VDR: variants seen among roughly 807,000 people sequenced by gnomAD.
VDR encodes vitamin D receptor, also known as vitamin D3 receptor.
A neutral mutation model predicts 39.7 loss-of-function variants in VDR; 19 were observed. The observed-to-expected ratio is 0.48, with a 90% CI of 0.33 to 0.70. VDR has a LOEUF of 0.70. VDR is among the 30% of genes least tolerant of loss of function. The pLI is 0.02. For synonymous variants in VDR, 242 were observed against 215.8 expected (o/e 1.12, Z -1.07); for missense variants, 442 against 570.5 (o/e 0.77, Z 2.29).
intron 1 of VDR, among the ~76,000 whole-genome samples, chr12:47,888,016 C>T (rs772890283): frequency 2.0e-5 from 3 of 152,304 alleles, no homozygotes; most frequent in Middle Eastern, 3.4e-3. Context: ...AAAGACATAC[C>T]TGAGACTGGG....
At chr12:47,884,235 C>A (rs1254649397) in intron 1 of VDR, among the ~76,000 whole-genome samples, 2 of 152,200 alleles carry the variant, frequency 1.3e-5, no homozygotes, top group Non-Finnish European at 2.9e-5. Flanking sequence ...AGATAGACAA[C>A]CACCCTGGAA....
At chr12:47,886,395 C>T (rs1946252982) in intron 1 of VDR, among the ~76,000 whole-genome samples, 2 of 152,162 alleles carry the variant, frequency 1.3e-5, no homozygotes, top group Admixed American at 1.3e-4. Context: ...AATATCATGG[C>T]CAGCTAAGGT....
At chr12:47,872,065 CTG>C (rs1945893117) in intron 3 of VDR, among the ~76,000 whole-genome samples, 1 of 152,228 alleles carries the variant, frequency 6.6e-6, no homozygotes, top group Non-Finnish European at 1.5e-5. Context: ...TCCTCTTAAA[CTG>C]TTGGCTTTTT....
intron 4 of VDR, among the ~76,000 whole-genome samples, chr12:47,861,861 T>C (rs1176188385): frequency 6.6e-6 from 1 of 152,218 alleles, no homozygotes; most frequent in Non-Finnish European, 1.5e-5. Context: ...TTTGAAAACA[T>C]TTCAAGATGC....
intron 4 of VDR, among the ~76,000 whole-genome samples, chr12:47,859,927 C>CAA (rs1945589327): frequency 1.5e-5 from 1 of 65,400 alleles, no homozygotes; most frequent in Non-Finnish European, 2.9e-5. Flanking sequence ...CTTTCTTTTT[C>CAA]TTTCTTTCTT....
intron 1 of VDR, chr12:47,896,533 C>A (rs1946468092): frequency 6.6e-6 from 1 of 152,178 alleles, no homozygotes; most frequent in Non-Finnish European, 1.5e-5. Context: ...CAAGCCCTGC[C>A]CAGGACCACG....
chr12:47,890,184 A>G (rs1004625717), intron 1 of VDR, among the ~76,000 whole-genome samples: 2 of 151,588 alleles, frequency 1.3e-5, no homozygotes, highest in Non-Finnish European at 2.9e-5. Flanking sequence ...ATTCTAAAAC[A>G]CACAGCAGGA....
intron 1 of VDR, among the ~76,000 whole-genome samples, chr12:47,897,935 A>T (rs192693367): frequency 5.9e-5 from 9 of 152,298 alleles, no homozygotes; most frequent in Admixed American, 5.9e-4. Context: ...CAGCAAACTC[A>T]TGGTTCTTAT....
chr12:47,882,892 T>A (rs1378569738), intron 1 of VDR, 118 bp from the exon 2 acceptor site: 1 of 756,168 alleles, frequency 1.3e-6, no homozygotes, highest in Admixed American at 2.9e-5. Context: ...GATCAGTGAC[T>A]GCAAACAGAA....
chr12:47,901,738 G>A (rs1417206917), intron 1 of VDR, among the ~76,000 whole-genome samples: 1 of 152,222 alleles, frequency 6.6e-6, no homozygotes, highest in African/African-American at 2.4e-5. Context: ...GAGGGAAGAG[G>A]AAACGTGAGG....
At chr12:47,845,935 A>G (rs1016561157) in intron 9 of VDR, among the ~76,000 whole-genome samples, 10 of 152,258 alleles carry the variant, frequency 6.6e-5, no homozygotes, top group Non-Finnish European at 1.3e-4. Flanking sequence ...CAGGTAAACT[A>G]TATAGGCAGA....
chr12:47,884,753 C>G (rs1946222316), intron 1 of VDR, among the ~76,000 whole-genome samples: 1 of 152,036 alleles, frequency 6.6e-6, no homozygotes, highest in African/African-American at 2.4e-5. Context: ...GAGAACAATC[C>G]CCAGGTCATG....
intron 3 of VDR, among the ~76,000 whole-genome samples, chr12:47,876,355 A>G (rs1333124169): frequency 6.6e-6 from 1 of 152,174 alleles, no homozygotes; most frequent in Non-Finnish European, 1.5e-5. Flanking sequence ...TGAACAATCC[A>G]TAGATAACCC....
intron 1 of VDR, among the ~76,000 whole-genome samples, chr12:47,885,231 G>C (rs529493537): frequency 3.9e-5 from 6 of 152,304 alleles, no homozygotes; most frequent in African/African-American, 1.4e-4. Context: ...TCTGTAGAAA[G>C]CCCCTGGCTT....
chr12:47,844,827 G>A lies in VDR; in HGVS notation c.1203C>T (p.Tyr401=), dbSNP rs772885128. Residue 401 remains tyrosine, a synonymous_variant, in exon 10 of 10, where the codon TAC becomes TAT. Transcript: ENST00000549336. ...ACTCAGGCTGGAAGGAGAGGCAGCG[G>A]TACTGCTTGGAGTGCTCCTCATTGA... ...RSLNEEHSKQ[Y]RCLSFQPECS... is the part of the protein sequence containing the mutation. 1.2e-5 allele frequency: 19 copies of A among 1,614,226 alleles called. No homozygotes were observed. The South Asian group carries it at 2.0e-4, about 17-fold the overall frequency.
rs1203684316 is a variant in VDR, at chr12:47,855,773, A to G, written c.612T>C (p.Asn204=). 2 of 1,614,154 alleles carry G rather than the reference A, an allele frequency of 1.2e-6. No individual in the cohort carries two copies. Among genetic ancestry groups the G allele is most frequent in the Admixed American group, 3.3e-5 (2 of 60,028 alleles). ...SDMMDSSSFS[N]LDLSEEDSDD... ...CTGAATCTTCTTCACTCAGATCCAGATTGGAGAAGCTGGACGAGTCCATCA... is the reference window on the plus strand; with the variant it reads ...CTGAATCTTCTTCACTCAGATCCAGGTTGGAGAAGCTGGACGAGTCCATCA... Residue 204 remains asparagine, a synonymous_variant, in exon 7 of 10, where the codon AAT becomes AAC. Coordinates refer to ENST00000549336, the MANE Select transcript of VDR (RefSeq NM_000376.3).
chr12:47,898,884 T>A (rs1275128414), intron 1 of VDR: 1 of 154,132 alleles, frequency 6.5e-6, no homozygotes, highest in African/African-American at 2.4e-5. Flanking sequence ...TTAACCAAAA[T>A]TCACTTTGGG....
intron 4 of VDR, among the ~76,000 whole-genome samples, chr12:47,864,707 C>T (rs1375125183): frequency 6.6e-6 from 1 of 152,228 alleles, no homozygotes; most frequent in Non-Finnish European, 1.5e-5. Flanking sequence ...AAAAGAATGA[C>T]ATCCTGGAGG....
intron 1 of VDR, chr12:47,899,851 A>C: frequency 1.1e-6 from 1 of 937,860 alleles, no homozygotes; most frequent in Non-Finnish European, 1.3e-6. Flanking sequence ...AAGAGAAGCT[A>C]TGAGGATTGA....
Sources: allele counts gnomAD v4.1 joint callset (sites outside exome capture counted in the v4.1 genomes callset), GRCh38; gene constraint gnomAD v4.1.1; transcripts MANE v1.5; gene names NCBI Gene and HGNC (gene_info 2026-07-23, HGNC 2026-07-21).